The following CCDC146 variants were observed in gnomAD, a reference collection of about 807,000 sequenced individuals.
CCDC146 encodes coiled-coil domain containing 146.
A neutral mutation model predicts 119.3 loss-of-function variants in CCDC146; 92 were observed. The ratio of observed to expected loss-of-function variants is 0.77; its 90% CI spans 0.65 to 0.92. CCDC146 has a LOEUF of 0.92. Ranked by LOEUF, CCDC146 falls within the 40% of genes least tolerant of loss-of-function variation. The pLI is 0.00. For synonymous variants in CCDC146, 372 were observed against 371.8 expected, an observed-to-expected ratio of 1.00 and a Z score of -0.01; for missense variants, 1,000 against 1,103.0, an observed-to-expected ratio of 0.91 and a Z score of 1.32.
intron 1 of CCDC146, among the ~76,000 whole-genome samples, chr7:77,161,971 C>T (rs1791269816): frequency 6.6e-6 from 1 of 152,034 alleles, no homozygotes; most frequent in Admixed American, 6.6e-5. Context: ...CTATTCAGCT[C>T]CATTACCCAT....
At chr7:77,234,770 A>T (rs1017107538) in intron 2 of CCDC146, among the ~76,000 whole-genome samples, 22 of 152,334 alleles carry the variant, frequency 1.4e-4, no homozygotes, top group African/African-American at 5.3e-4. Flanking sequence ...ATTATATTTA[A>T]GGTGGCATAT....
rs1679017854 is a variant in CCDC146, at chr7:77,287,471, A to C, written c.2309A>C (p.Lys770Thr). ...CTACAACTGGCCAAGAAGGAGGAGA[A>C]GCTGCTGGAGAAGGATTTCATCTAT... ...LELQLAKKEEKLLEKDFIYEQ... is the reference protein window; with the variant it reads ...LELQLAKKEETLLEKDFIYEQ... Residue 770 changes from lysine (K) to threonine (T), a missense_variant, in exon 17 of 19, where the codon AAG becomes ACG. Physicochemically the swap from Lys to Thr is moderately conservative, Grantham distance 78. This residue lies in a region of CCDC146 where 985 missense variants were observed against 1,045.3 expected (regional missense o/e 0.94). Transcript: ENST00000285871. The C allele has an allele frequency of 6.2e-7, 1 of 1,614,098 alleles. No homozygotes were observed.
chr7:77,260,311 C>A, intron 8 of CCDC146, 75 bp downstream of exon 8: 3 of 1,044,190 alleles, frequency 2.9e-6, no homozygotes, highest in East Asian at 2.6e-5. Context: ...TTCAAAATCT[C>A]ACTTTGGTGT....
At chr7:77,182,286 TTAGGTC>T (rs2150417260) in intron 2 of CCDC146, among the ~76,000 whole-genome samples, 1 of 152,282 alleles carries the variant, frequency 6.6e-6, no homozygotes, top group African/African-American at 2.4e-5. Flanking sequence ...AAAATGGGTC[TTAGGTC>T]TAGCTTTGTA....
At chr7:77,162,888 G>A (rs1378004641) in intron 1 of CCDC146, among the ~76,000 whole-genome samples, 1 of 151,980 alleles carries the variant, frequency 6.6e-6, no homozygotes, top group Non-Finnish European at 1.5e-5. Flanking sequence ...TTATTCTAAA[G>A]GTTAAAGTTT....
chr7:77,234,366 A>C (rs915336740), intron 2 of CCDC146, among the ~76,000 whole-genome samples: 4 of 152,230 alleles, frequency 2.6e-5, no homozygotes, highest in African/African-American at 9.6e-5. Flanking sequence ...TGGCTAAAAA[A>C]TACTGCAGAA....
Position 77,294,726 on chromosome 7 carries a change from C to T in CCDC146, c.2728C>T (p.Pro910Ser). The change falls in exon 19 of 19, where the codon CCG (proline) becomes TCG (serine). Residue 910 changes from proline (P) to serine (S), a missense_variant. Pro to Ser is a moderately conservative substitution (Grantham distance 74). Around this residue, in one of 2 missense-constraint regions of CCDC146, gnomAD observed 985 missense variants for 1,045.3 expected, o/e 0.94. Coordinates refer to ENST00000285871, the MANE Select transcript of CCDC146 (RefSeq NM_020879.3). ...NGVYTTAEQRPNAYIPEADAT... is the reference protein window; with the variant it reads ...NGVYTTAEQRSNAYIPEADAT... ...TGTTTACACAACTGCAGAGCAGCGTCCGAATGCCTACATCCCAGAAGCAGA... is the reference window on the plus strand; with the variant it reads ...TGTTTACACAACTGCAGAGCAGCGTTCGAATGCCTACATCCCAGAAGCAGA... 3 of 1,614,182 alleles carry T rather than the reference C, an allele frequency of 1.9e-6. No homozygotes were observed. Among genetic ancestry groups the T allele is most frequent in the Non-Finnish European group, 2.5e-6 (3 of 1,180,018 alleles).
chr7:77,162,642 A>C (rs1791279743), intron 1 of CCDC146, among the ~76,000 whole-genome samples: 1 of 152,100 alleles, frequency 6.6e-6, no homozygotes, highest in Non-Finnish European at 1.5e-5. Flanking sequence ...GTTCCATATA[A>C]ATTTTAGGAT....
intron 2 of CCDC146, among the ~76,000 whole-genome samples, chr7:77,178,734 G>A (rs1180284295): frequency 1.3e-5 from 2 of 152,080 alleles, no homozygotes; most frequent in African/African-American, 2.4e-5. Flanking sequence ...GTCGCTGAAC[G>A]GATGTTGCTC....
intron 2 of CCDC146, among the ~76,000 whole-genome samples, chr7:77,217,322 C>G (rs936616874): frequency 2.1e-5 from 3 of 140,210 alleles, no homozygotes; most frequent in African/African-American, 9.0e-5. Context: ...AGGTGAATGA[C>G]ATTTTCTACA....
chr7:77,207,234 CTTAT>C (rs1181156155), intron 2 of CCDC146, among the ~76,000 whole-genome samples: 3 of 152,086 alleles, frequency 2.0e-5, no homozygotes, highest in Non-Finnish European at 4.4e-5. Context: ...ATAGCATTAT[CTTAT>C]TTATTTTTTC....
chr7:77,267,815 T>C (rs1793436384), intron 9 of CCDC146, among the ~76,000 whole-genome samples: 1 of 152,202 alleles, frequency 6.6e-6, no homozygotes, highest in Non-Finnish European at 1.5e-5. Flanking sequence ...CAAATTCTTC[T>C]CCAATTATAT....
intron 2 of CCDC146, among the ~76,000 whole-genome samples, chr7:77,179,583 AATC>A (rs1380262264): frequency 6.6e-6 from 1 of 152,142 alleles, no homozygotes; most frequent in African/African-American, 2.4e-5. Context: ...GGTCATTTCC[AATC>A]ATCTGCTCTT....
chr7:77,207,790 G>A (rs906254071), intron 2 of CCDC146, among the ~76,000 whole-genome samples: 5 of 152,110 alleles, frequency 3.3e-5, no homozygotes, highest in Admixed American at 6.5e-5. Flanking sequence ...CTTTTCAGGT[G>A]TAACATTTTA....
intron 1 of CCDC146, among the ~76,000 whole-genome samples, chr7:77,145,477 TCTTG>T: frequency 6.6e-6 from 1 of 151,960 alleles, no homozygotes; most frequent in Admixed American, 6.5e-5. Flanking sequence ...ATGTGTTTGC[TCTTG>T]CTTCTCTAGT....
intron 9 of CCDC146, among the ~76,000 whole-genome samples, chr7:77,268,330 T>C (rs1793446647): frequency 1.3e-5 from 2 of 152,198 alleles, no homozygotes; most frequent in Non-Finnish European, 2.9e-5. Flanking sequence ...ACAGAGGGGC[T>C]TTGTCTGAAG....
At chr7:77,169,944 GATTC>G (rs1171032319) in intron 2 of CCDC146, among the ~76,000 whole-genome samples, 1 of 152,124 alleles carries the variant, frequency 6.6e-6, no homozygotes, top group East Asian at 1.9e-4. Flanking sequence ...CTGGGAAACA[GATTC>G]ATGAATATTT....
At chr7:77,146,699 G>A (rs1292996214) in intron 1 of CCDC146, among the ~76,000 whole-genome samples, 4 of 152,256 alleles carry the variant, frequency 2.6e-5, no homozygotes, top group African/African-American at 9.6e-5. Context: ...GAAATTCTGG[G>A]TTGAAAATAA....
At chr7:77,187,974 C>T (rs1372866306) in intron 2 of CCDC146, among the ~76,000 whole-genome samples, 1 of 152,242 alleles carries the variant, frequency 6.6e-6, no homozygotes, top group Non-Finnish European at 1.5e-5. Flanking sequence ...ACTTCAACCA[C>T]TCACAGATGC....
Sources: gnomAD v4.1 joint callset for allele counts (sites outside exome capture counted in the v4.1 genomes callset) on GRCh38, gnomAD v4.1.1 for gene constraint, gnomAD v4.1.1 regional missense constraint, MANE v1.5 for transcripts, NCBI Gene and HGNC (gene_info 2026-07-23, HGNC 2026-07-21) for gene names.